Variants in ADGRL3 observed in about 807,000 individuals in gnomAD.
The protein encoded by ADGRL3 is calcium-independent alpha-latrotoxin receptor 3.
A neutral mutation model predicts 153.5 loss-of-function variants in ADGRL3; 62 were observed. The ratio of observed to expected loss-of-function variants is 0.40; its 90% CI spans 0.33 to 0.50. ADGRL3 has a LOEUF of 0.50. Ranked by LOEUF, ADGRL3 falls within the 20% of genes least tolerant of loss-of-function variation. The probability of loss-of-function intolerance (pLI) is 0.47; values close to 1 mark genes in which losing one functional copy is unlikely to be tolerated. For synonymous variants in ADGRL3, 710 were observed against 672.5 expected, an observed-to-expected ratio of 1.06 and a Z score of -0.86; for missense variants, 1,641 against 1,859.4, an observed-to-expected ratio of 0.88 and a Z score of 2.16.
chr4:62,060,942 A>G (rs1411296525), intron 25 of ADGRL3, among the ~76,000 whole-genome samples: 2 of 151,956 alleles, frequency 1.3e-5, no homozygotes, highest in African/African-American at 4.8e-5. Context: ...TGACAGTTCT[A>G]TGCTAATTCT....
chr4:61,403,089 G>T lies in ADGRL3; in HGVS notation c.-174+19900G>T, dbSNP rs146599523. ...ACACAGGGAGCGGGAACTCTCTGGT[G>T]TCTCTTCTTATAAGAGCACTAATCC... is the stretch of plus-strand genomic sequence containing the variant. On this transcript the variant is annotated intron_variant, in intron 2 of 26. Coordinates refer to ENST00000683033, the MANE Select transcript of ADGRL3 (RefSeq NM_001387552.1). Among the ~76,000 whole-genome samples, 319 of 151,810 alleles carry T rather than the reference G, an allele frequency of 2.1e-3. 2 individuals are homozygous for T. Among genetic ancestry groups the T allele is most frequent in the African/African-American group, 7.0e-3 (289 of 41,408 alleles).
intron 4 of ADGRL3, among the ~76,000 whole-genome samples, chr4:61,536,701 C>A (rs191261091): frequency 6.6e-6 from 1 of 152,056 alleles, no homozygotes; most frequent in Non-Finnish European, 1.5e-5. Flanking sequence ...ACAAGAATAA[C>A]CATCCCTGCT....
intron 25 of ADGRL3, among the ~76,000 whole-genome samples, chr4:62,055,538 C>T (rs1400803756): frequency 6.6e-6 from 1 of 151,624 alleles, no homozygotes; most frequent in African/African-American, 2.4e-5. Flanking sequence ...GAGTTCTTAG[C>T]GTTCAGTAAA....
chr4:61,391,855 C>CTTTTTT lies in ADGRL3; in HGVS notation c.-174+8683_-174+8688dup, dbSNP rs869176171. 7.6e-4 allele frequency among the ~76,000 whole-genome samples: 71 copies of CTTTTTT among 93,622 alleles called. 9 individuals carry two copies. Among genetic ancestry groups the CTTTTTT allele is most frequent in the Admixed American group, 1.1e-3 (8 of 7,460 alleles). The allele number at this position is 93,622 out of a possible 152,430, so 61.4% of individuals were successfully genotyped here. On this transcript the variant is annotated intron_variant, in intron 2 of 26. Transcript: ENST00000683033. ...AAAATTATCCAAGTGAAAAATGCTACTTTTTTTTTTTTTTTTTTTTTTGAG... is the reference window on the plus strand; with the variant it reads ...AAAATTATCCAAGTGAAAAATGCTACTTTTTTTTTTTTTTTTTTTTTTTTTTTTGAG...
chr4:61,721,476 C>T (rs1415904191), intron 6 of ADGRL3, among the ~76,000 whole-genome samples: 1 of 152,198 alleles, frequency 6.6e-6, no homozygotes, highest in East Asian at 1.9e-4. Flanking sequence ...CTCTTTCCAA[C>T]TTCTGCCTGC....
chr4:61,243,710 C>A (rs2149352604), intron 1 of ADGRL3, among the ~76,000 whole-genome samples: 1 of 152,028 alleles, frequency 6.6e-6, no homozygotes, highest in African/African-American at 2.4e-5. Context: ...GTCCCTCTTC[C>A]TTCAAAGACA....
chr4:61,926,212 G>A (rs986230289), intron 13 of ADGRL3, among the ~76,000 whole-genome samples: 1 of 152,108 alleles, frequency 6.6e-6, no homozygotes, highest in Non-Finnish European at 1.5e-5. Context: ...GGACCAGCAT[G>A]GTATACATGG....
At chr4:62,067,656 G>A (rs1577754331) in intron 25 of ADGRL3, among the ~76,000 whole-genome samples, 1 of 151,802 alleles carries the variant, frequency 6.6e-6, no homozygotes, top group Non-Finnish European at 1.5e-5. Flanking sequence ...TACATAAGGC[G>A]GGAAAAAATG....
At chr4:61,948,307 T>A in intron 17 of ADGRL3, 31 bp downstream of exon 17, 3 of 1,558,878 alleles carry the variant, frequency 1.9e-6, no homozygotes, top group Non-Finnish European at 2.6e-6. Context: ...TGAAAATGTT[T>A]TAGTATATTA....
At chr4:61,431,905 A>T (rs1306102125) in intron 2 of ADGRL3, among the ~76,000 whole-genome samples, 1 of 152,180 alleles carries the variant, frequency 6.6e-6, no homozygotes, top group East Asian at 1.9e-4. Flanking sequence ...TTCATAAGTA[A>T]AATGGGGACA....
At chr4:61,821,690 C>G (rs1346739703) in intron 9 of ADGRL3, among the ~76,000 whole-genome samples, 1 of 152,036 alleles carries the variant, frequency 6.6e-6, no homozygotes, top group Non-Finnish European at 1.5e-5. Context: ...TGAAAAATTA[C>G]AATTATTTTT....
intron 5 of ADGRL3, among the ~76,000 whole-genome samples, chr4:61,672,602 G>A (rs923991506): frequency 1.3e-5 from 2 of 152,090 alleles, no homozygotes; most frequent in African/African-American, 2.4e-5. Context: ...TCAGGGAAAT[G>A]TGAATCAAAA....
chr4:61,418,378 AT>A (rs1341464404), intron 2 of ADGRL3, among the ~76,000 whole-genome samples: 2 of 152,200 alleles, frequency 1.3e-5, no homozygotes, highest in African/African-American at 4.8e-5. Context: ...ATTGTCTGAT[AT>A]TCTGCAATTG....
chr4:61,831,614 A>G (rs879014428), intron 9 of ADGRL3, among the ~76,000 whole-genome samples: 17 of 152,064 alleles, frequency 1.1e-4, no homozygotes, highest in Admixed American at 7.2e-4. Flanking sequence ...CCCAGTGGAC[A>G]CTAGTCGTCA....
intron 6 of ADGRL3, 27 bp from the exon 7 acceptor site, chr4:61,730,595 C>A: frequency 2.0e-6 from 1 of 504,886 alleles, no homozygotes; most frequent in Non-Finnish European, 3.5e-6. Flanking sequence ...TTTCTCCTTT[C>A]TCTCTTTACT....
chr4:61,372,969 C>A (rs796497666), intron 1 of ADGRL3, among the ~76,000 whole-genome samples: 1 of 152,166 alleles, frequency 6.6e-6, no homozygotes, highest in Admixed American at 6.5e-5. Context: ...GCGCAGTATT[C>A]GGGTGGGAGT....
chr4:61,537,441 T>C (rs1214483860), intron 4 of ADGRL3, among the ~76,000 whole-genome samples: 2 of 152,186 alleles, frequency 1.3e-5, no homozygotes, highest in Admixed American at 1.3e-4. Flanking sequence ...TTACAGATAT[T>C]TTCTTCAATT....
At chr4:61,833,654 G>C (rs1197870205) in intron 9 of ADGRL3, among the ~76,000 whole-genome samples, 1 of 152,160 alleles carries the variant, frequency 6.6e-6, no homozygotes, top group Non-Finnish European at 1.5e-5. Flanking sequence ...AGTGATTTTA[G>C]GAGCAGGTTA....
chr4:61,598,169 T>A (rs59671981), intron 5 of ADGRL3, among the ~76,000 whole-genome samples: 1,653 of 151,096 alleles, frequency 0.011, 26 homozygotes, highest in African/African-American at 0.038. Context: ...AAAAAAAAAA[T>A]GTTCAACTAT....
Sources: gnomAD v4.1 joint callset for allele counts (sites outside exome capture counted in the v4.1 genomes callset) on GRCh38, gnomAD v4.1.1 for gene constraint, MANE v1.5 for transcripts, NCBI Gene and HGNC (gene_info 2026-07-23, HGNC 2026-07-21) for gene names.